The following JAK2 variants were observed in gnomAD, a reference collection of about 807,000 sequenced individuals.
The protein encoded by JAK2 is Janus kinase 2.
A neutral mutation model predicts 139.3 loss-of-function variants in JAK2; 86 were observed. That is an observed-to-expected ratio of 0.62 (90% CI 0.52 to 0.74). JAK2 has a LOEUF of 0.74. JAK2 is among the 30% of genes least tolerant of loss of function. JAK2 has a pLI of 0.00. For missense variants in JAK2, 1,421 were observed against 1,360.3 expected (o/e 1.04, Z -0.70); for synonymous variants, 490 against 437.7 (o/e 1.12, Z -1.49).
intron 22 of JAK2, chr9:5,111,978 T>TCC (rs1167716075): frequency 5.7e-6 from 2 of 349,598 alleles, no homozygotes; most frequent in Non-Finnish European, 1.1e-5. Context: ...CGCCGTGGGC[T>TCC]CCCCCCAGGG....
In JAK2 at chr9:5,089,885, A is replaced by G. The variant is rs373431061; in HGVS notation, c.2761+22A>G. ...GCTGGTAAGCTGCCCATTGAAACCT[A>G]TTTTAAATTCAAGGTATGTGTTTGG... On this transcript the variant is annotated intron_variant, in intron 20 of 24. Coordinates refer to ENST00000381652, the MANE Select transcript of JAK2 (RefSeq NM_004972.4). The G allele has an allele frequency of 2.8e-6, 4 of 1,429,622 alleles. No individual in the cohort carries two copies. The African/African-American group carries it at 4.4e-5, about 16-fold the overall frequency. The allele number at this position is 1,429,622 out of a possible 1,614,324, so 88.6% of individuals were successfully genotyped here. A position where few individuals can be genotyped will look rare whatever the true frequency, so the allele number is the denominator to read the frequency against.
chr9:5,018,566 T>G (rs1424278009), intron 2 of JAK2, among the ~76,000 whole-genome samples: 1 of 152,182 alleles, frequency 6.6e-6, no homozygotes, highest in East Asian at 1.9e-4. Context: ...CTTGAACTCC[T>G]GGGCTCAAGC....
At chr9:5,087,562 T>C (rs1168303118) in intron 19 of JAK2, among the ~76,000 whole-genome samples, 1 of 152,226 alleles carries the variant, frequency 6.6e-6, no homozygotes, top group Non-Finnish European at 1.5e-5. Flanking sequence ...TTTTTCTTCA[T>C]CTCCTTCTTC....
At chr9:5,048,136 C>G (rs1484116431) in intron 5 of JAK2, among the ~76,000 whole-genome samples, 1 of 151,774 alleles carries the variant, frequency 6.6e-6, no homozygotes, top group African/African-American at 2.4e-5. Context: ...TCTACCAGTT[C>G]TTTTCTTTTC....
chr9:5,095,805 A>G (rs1400300647), intron 22 of JAK2, among the ~76,000 whole-genome samples: 1 of 152,172 alleles, frequency 6.6e-6, no homozygotes. Flanking sequence ...TCCCAGTACT[A>G]ACTTATAATC....
intron 22 of JAK2, chr9:5,109,944 C>G (rs1380136844): frequency 1.3e-5 from 2 of 152,148 alleles, no homozygotes; most frequent in African/African-American, 2.4e-5. Flanking sequence ...ACAATATGGC[C>G]GAGCAGATGC....
intron 22 of JAK2, chr9:5,094,732 C>T (rs1221905149): frequency 2.0e-5 from 3 of 152,098 alleles, no homozygotes; most frequent in African/African-American, 7.2e-5. Context: ...AGTTCATTTG[C>T]CCTCTTCTTT....
At chr9:5,047,504 C>T (rs1817092896) in intron 5 of JAK2, among the ~76,000 whole-genome samples, 1 of 152,190 alleles carries the variant, frequency 6.6e-6, no homozygotes, top group Non-Finnish European at 1.5e-5. Flanking sequence ...CATATCTATT[C>T]AACAACAATT....
At chr9:5,119,003 AAACT>A (rs1419707980) in intron 22 of JAK2, among the ~76,000 whole-genome samples, 1 of 152,202 alleles carries the variant, frequency 6.6e-6, no homozygotes, top group African/African-American at 2.4e-5. Context: ...TACCTTGTTT[AAACT>A]AATACATTCA....
chr9:4,984,748 G>T (rs1023021543), upstream of JAK2: 1 of 152,352 alleles, frequency 6.6e-6, no homozygotes, highest in African/African-American at 2.4e-5. Context: ...CAGGCTGCGC[G>T]CTGGGGAGCC....
chr9:5,069,307 A>C (rs781678461), intron 11 of JAK2, 99 bp downstream of exon 11: 2 of 724,566 alleles, frequency 2.8e-6, no homozygotes, highest in Non-Finnish European at 2.2e-6. Flanking sequence ...TATATGAAAG[A>C]AGCAGCTCTA....
intron 14 of JAK2, among the ~76,000 whole-genome samples, chr9:5,074,189 T>C (rs12343867): frequency 0.25 from 38,728 of 152,010 alleles, 5,079 homozygotes; most frequent in South Asian, 0.31. Flanking sequence ...GAAATGATTA[T>C]GTTGATATGA....
intron 2 of JAK2, among the ~76,000 whole-genome samples, chr9:5,015,626 G>C (rs1292625422): frequency 1.3e-5 from 2 of 151,304 alleles, no homozygotes; most frequent in Non-Finnish European, 2.9e-5. Flanking sequence ...CTGCGGCCTC[G>C]GTCTCCTGGG....
chr9:5,082,464 C>T (rs1423711510), intron 19 of JAK2, among the ~76,000 whole-genome samples: 1 of 152,252 alleles, frequency 6.6e-6, no homozygotes, highest in Non-Finnish European at 1.5e-5. Context: ...GGCAGTTTTT[C>T]TCCTATCTCA....
chr9:5,124,059 T>G (rs1054004819), intron 23 of JAK2, among the ~76,000 whole-genome samples: 7 of 151,784 alleles, frequency 4.6e-5, no homozygotes, highest in African/African-American at 1.7e-4. Context: ...ACACGATTAT[T>G]AGGGGGTTTT....
intron 20 of JAK2, 40 bp from the exon 21 acceptor site, chr9:5,090,406 A>T (rs754700611): frequency 7.0e-7 from 1 of 1,432,120 alleles, no homozygotes; most frequent in Non-Finnish European, 9.4e-7. Context: ...TCAGTATAAT[A>T]TGGCAGAGTA....
intron 22 of JAK2, chr9:5,109,717 T>A (rs1347135275): frequency 6.6e-6 from 1 of 152,190 alleles, no homozygotes. Flanking sequence ...AAACTCTCAC[T>A]AAGCTTTAGA....
At chr9:5,105,369 A>G (rs1334282948) in intron 22 of JAK2, among the ~76,000 whole-genome samples, 1 of 152,216 alleles carries the variant, frequency 6.6e-6, no homozygotes, top group Non-Finnish European at 1.5e-5. Context: ...GGACCTCTGG[A>G]CCTCTTCAAG....
intron 22 of JAK2, chr9:5,111,683 G>A (rs987544156): frequency 2.4e-6 from 1 of 425,324 alleles, no homozygotes; most frequent in Middle Eastern, 5.7e-4. Context: ...TGTGGGCAGT[G>A]GCGGAGGCAG....
Sources: allele counts gnomAD v4.1 joint callset (sites outside exome capture counted in the v4.1 genomes callset), GRCh38; gene constraint gnomAD v4.1.1; transcripts MANE v1.5; gene names NCBI Gene and HGNC (gene_info 2026-07-23, HGNC 2026-07-21).